The following MYH3 variants were observed in gnomAD, a reference collection of about 807,000 sequenced individuals.
MYH3 encodes the protein myosin heavy chain 3.
In MYH3, 130 loss-of-function variants were observed where a neutral mutation model predicts 238.0. That is an observed-to-expected ratio of 0.55 (90% CI 0.47 to 0.63). The LOEUF (loss-of-function observed/expected upper bound fraction) is 0.63. MYH3 is among the 30% of genes least tolerant of loss of function. The pLI, the probability that MYH3 is intolerant of heterozygous loss-of-function variation, is 0.00. For synonymous variants in MYH3, 880 were observed against 924.1 expected (o/e 0.95, Z 0.86); for missense variants, 1,853 against 2,374.9 (o/e 0.78, Z 4.57).
At chr17:10,656,577 G>C (rs1296916112) in intron 1 of MYH3, among the ~76,000 whole-genome samples, 2 of 149,196 alleles carry the variant, frequency 1.3e-5, no homozygotes, top group Non-Finnish European at 3.0e-5. Context: ...ATACTTTAAA[G>C]AGGCAGGCTG....
intron 36 of MYH3, 139 bp from the exon 37 acceptor site, chr17:10,630,597 C>G: frequency 2.3e-6 from 3 of 1,325,078 alleles, no homozygotes; most frequent in East Asian, 2.3e-5. Flanking sequence ...CGTCTGTAAT[C>G]CCAGCACTTT....
At chr17:10,659,606 T>C (rs80134275), upstream of MYH3, among the ~76,000 whole-genome samples, 218 of 152,318 alleles carry the variant, frequency 1.4e-3, 2 homozygotes, top group East Asian at 0.018. Context: ...CAAAGAGGCA[T>C]TCGTCTGTAG....
intron 7 of MYH3, among the ~76,000 whole-genome samples, 169 bp downstream of exon 7, chr17:10,649,408 T>C (rs753056977): frequency 4.6e-5 from 7 of 152,230 alleles, no homozygotes; most frequent in Non-Finnish European, 8.8e-5. Flanking sequence ...CAAGACCAAC[T>C]TGACACTGCG....
At chr17:10,655,263 G>A (rs983797117) in intron 2 of MYH3, among the ~76,000 whole-genome samples, 191 bp from the exon 3 acceptor site, 2 of 152,082 alleles carry the variant, frequency 1.3e-5, no homozygotes, top group African/African-American at 2.4e-5. Context: ...GAAATCACAC[G>A]GGTGCATATT....
At chr17:10,661,269 A>ATG (rs2074478378), upstream of MYH3, among the ~76,000 whole-genome samples, 1 of 124,804 alleles carries the variant, frequency 8.0e-6, no homozygotes, top group Non-Finnish European at 1.6e-5. Context: ...GAGCCACCGC[A>ATG]CCCAGCCTGA....
chr17:10,640,207 T>A lies in MYH3; in HGVS notation c.2471A>T (p.Asn824Ile). 2 of 1,614,206 alleles carry A rather than the reference T, an allele frequency of 1.2e-6. No individual in the cohort carries two copies. Among genetic ancestry groups the A allele is most frequent in the Non-Finnish European group, 1.7e-6 (2 of 1,180,048 alleles). The change falls in exon 22 of 41, where the codon AAC becomes ATC. Residue 824 changes from asparagine (N) to isoleucine (I), a missense_variant. Transcript: ENST00000583535. ...TTTCATCCAGGGCCAGTGCTTGACGTTCATGAATGAGCGAATGTTGTACTG... is the reference window on the plus strand; with the variant it reads ...TTTCATCCAGGGCCAGTGCTTGACGATCATGAATGAGCGAATGTTGTACTG... Reference protein sequence around the residue: ...CIQYNIRSFMNVKHWPWMKLF... With the variant: ...CIQYNIRSFMIVKHWPWMKLF...
rs36082575 is a variant in MYH3 at position 10,645,044 on chromosome 17, A to ATT, written c.1142-344_1142-343dup. Among the ~76,000 whole-genome samples the ATT allele has an allele frequency of 2.4e-3, 349 of 146,690 alleles. 1 individual carries two copies. The highest frequency in any genetic ancestry group is 0.015 in the South Asian group (69 of 4,600). On this transcript the variant is annotated intron_variant, in intron 12 of 40. Coordinates refer to ENST00000583535, the MANE Select transcript of MYH3 (RefSeq NM_002470.4). Reference sequence around the variant, plus strand: ...ATGGAAGGATTAATCGCTTCCATCCATTTTTTTTTTTTTGAGACAGTCTTA... The same window carrying ATT: ...ATGGAAGGATTAATCGCTTCCATCCATTTTTTTTTTTTTTTGAGACAGTCTTA...
At chr17:10,629,047 A>G (rs777638106) in intron 40 of MYH3, among the ~76,000 whole-genome samples, 4 of 152,004 alleles carry the variant, frequency 2.6e-5, no homozygotes, top group African/African-American at 4.8e-5. Context: ...GTTGGGATAC[A>G]TGTGCAGAAC....
the MYH3 span, among the ~76,000 whole-genome samples, chr17:10,665,402 C>CA: frequency 2.0e-5 from 3 of 152,192 alleles, no homozygotes; most frequent in Admixed American, 1.3e-4. Flanking sequence ...CTTGGCCTCT[C>CA]AAAGTGCTGG....
At chr17:10,660,559 C>A (rs909482140), upstream of MYH3, among the ~76,000 whole-genome samples, 11 of 151,918 alleles carry the variant, frequency 7.2e-5, no homozygotes, top group Non-Finnish European at 1.5e-4. Flanking sequence ...TCCCTGTATT[C>A]CCAGCTACTT....
chr17:10,673,974 G>A, the MYH3 span: 1 of 152,194 alleles, frequency 6.6e-6, no homozygotes, highest in Non-Finnish European at 1.5e-5. Context: ...TAAATAAAGA[G>A]CTTCCTGGAG....
rs1180621599 is a variant in MYH3 at position 10,630,126 on chromosome 17, T to C, written c.5528A>G (p.Lys1843Arg). The change falls in exon 38 of 41, where the codon AAG becomes AGG. Residue 1843 changes from lysine (K) to arginine (R), a missense_variant. Coordinates refer to ENST00000583535, the MANE Select transcript of MYH3 (RefSeq NM_002470.4). ...CAGCTCCTTGACCCTCCGCTCATAC[T>C]TCCTCAGGCCCTTAACAGACTCTGT... ...KNTESVKGLR[K>R]YERRVKELTY... is the part of the protein sequence containing the mutation. 5.6e-6 allele frequency: 9 copies of C among 1,614,092 alleles called. No individual in the cohort carries two copies. The highest frequency in any genetic ancestry group is 3.3e-5 in the Admixed American group (2 of 60,002).
At chr17:10,671,680 TG>T in the MYH3 span, among the ~76,000 whole-genome samples, 1 of 148,970 alleles carries the variant, frequency 6.7e-6, no homozygotes, top group African/African-American at 2.5e-5. Flanking sequence ...CCCGGGTTCA[TG>T]CCATTCTCCT....
rs191116781 is a variant in MYH3 at position 10,653,329 on chromosome 17, G to C, written c.205-766C>G. 4.4e-3 allele frequency among the ~76,000 whole-genome samples: 669 copies of C among 152,238 alleles called. 2 individuals carry two copies. The highest frequency in any genetic ancestry group is 0.017 in the Middle Eastern group (5 of 294). ...GTGAGGCAGGGACCGAAGAGAATGA[G>C]GAAGGGGCATTGGATTGCCAGGCTG... On this transcript the variant is annotated intron_variant, in intron 3 of 40. Coordinates refer to ENST00000583535, the MANE Select transcript of MYH3 (RefSeq NM_002470.4).
intron 38 of MYH3, 62 bp from the exon 39 acceptor site, chr17:10,629,999 G>A: frequency 6.2e-6 from 10 of 1,604,550 alleles, no homozygotes; most frequent in South Asian, 4.4e-5. Context: ...CACGGCATGG[G>A]CAGCTTTCTG....
the MYH3 span, chr17:10,676,675 T>C: frequency 6.6e-6 from 1 of 152,236 alleles, no homozygotes; most frequent in Admixed American, 6.5e-5. Context: ...TAAGGCCCCT[T>C]ATGAGGGGGA....
intron 12 of MYH3, 42 bp from the exon 13 acceptor site, chr17:10,644,744 C>G: frequency 6.8e-7 from 1 of 1,476,156 alleles, no homozygotes; most frequent in African/African-American, 1.4e-5. Flanking sequence ...AGTAGAAGAG[C>G]TGCTTTGAAA....
At chr17:10,630,831 A>G (rs1472670042) in intron 36 of MYH3, among the ~76,000 whole-genome samples, 1 of 152,068 alleles carries the variant, frequency 6.6e-6, no homozygotes, top group Non-Finnish European at 1.5e-5. Flanking sequence ...AGCCTGGTCA[A>G]TAAGAGTGAA....
rs3785938 is a variant in MYH3, at chr17:10,650,620, A to G, written c.506-219T>C. Among the ~76,000 whole-genome samples, 104,986 of 152,078 alleles carry G rather than the reference A, an allele frequency of 0.69. 37,320 individuals are homozygous for G. Among genetic ancestry groups the G allele is most frequent in the Non-Finnish European group, 0.8 (54,130 of 68,018 alleles). ...TTTGTATATATTTGTAGGGTACAAC[A>G]TGATGATTTGATATATGTTTATATG... On this transcript the variant is annotated intron_variant, in intron 5 of 40. Coordinates refer to ENST00000583535, the MANE Select transcript of MYH3 (RefSeq NM_002470.4).
Sources: gnomAD v4.1 joint callset for allele counts (sites outside exome capture counted in the v4.1 genomes callset) on GRCh38, gnomAD v4.1.1 for gene constraint, MANE v1.5 for transcripts, NCBI Gene and HGNC (gene_info 2026-07-23, HGNC 2026-07-21) for gene names.